Variants in DPP10 observed in about 807,000 individuals in gnomAD.
DPP10 encodes the protein inactive dipeptidyl peptidase 10.
DPP10 carries 33 observed loss-of-function variants against 120.9 expected under a neutral mutation model. That is an observed-to-expected ratio of 0.27 (90% CI 0.21 to 0.37). The LOEUF (loss-of-function observed/expected upper bound fraction) is 0.37. Among genes scored for constraint, DPP10 ranks in the 10% least tolerant of loss-of-function variants. The probability of loss-of-function intolerance (pLI) is 1.00; values close to 1 mark genes in which losing one functional copy is unlikely to be tolerated. For missense variants in DPP10, 816 were observed against 942.8 expected, an observed-to-expected ratio of 0.87 and a Z score of 1.76; for synonymous variants, 337 against 326.1, an observed-to-expected ratio of 1.03 and a Z score of -0.36.
intron 3 of DPP10, among the ~76,000 whole-genome samples, chr2:115,462,532 T>C (rs2074053161): frequency 6.6e-6 from 1 of 152,162 alleles, no homozygotes; most frequent in Non-Finnish European, 1.5e-5. Flanking sequence ...TCCTCCATGA[T>C]ATGAAGCCTA....
chr2:115,087,536 T>TC (rs1293383445), intron 1 of DPP10, among the ~76,000 whole-genome samples: 4 of 130,830 alleles, frequency 3.1e-5, no homozygotes, highest in Non-Finnish European at 6.6e-5. Context: ...TTCTTTTCTT[T>TC]TCTTTTTTTT....
At chr2:114,507,869 T>C (rs73946185) in intron 1 of DPP10, among the ~76,000 whole-genome samples, 6,034 of 152,298 alleles carry the variant, frequency 0.04, 398 homozygotes, top group African/African-American at 0.14. Context: ...TACCACATGG[T>C]AATTGCTCAA....
At chr2:114,726,545 A>G (rs1193016595) in intron 1 of DPP10, among the ~76,000 whole-genome samples, 2 of 152,252 alleles carry the variant, frequency 1.3e-5, no homozygotes, top group Admixed American at 1.3e-4. Flanking sequence ...GAATTTAATC[A>G]TATTCATTTT....
intron 1 of DPP10, among the ~76,000 whole-genome samples, chr2:115,235,664 C>T (rs1385204236): frequency 5.3e-5 from 8 of 152,022 alleles, no homozygotes; most frequent in Admixed American, 1.3e-4. Context: ...CTGATTCAAG[C>T]GATTGTCCTG....
chr2:114,481,403 A>G (rs1051860462), intron 1 of DPP10, among the ~76,000 whole-genome samples: 1 of 152,156 alleles, frequency 6.6e-6, no homozygotes, highest in Non-Finnish European at 1.5e-5. Flanking sequence ...CTAAAATAAA[A>G]ATAGAGACAA....
At chr2:114,585,300 A>T (rs1006839905) in intron 1 of DPP10, among the ~76,000 whole-genome samples, 12 of 152,124 alleles carry the variant, frequency 7.9e-5, no homozygotes, top group Admixed American at 6.5e-4. Flanking sequence ...GACTGCCTGC[A>T]TTCTATGCCA....
At chr2:114,942,080 T>G (rs1240451029) in intron 1 of DPP10, among the ~76,000 whole-genome samples, 1 of 151,572 alleles carries the variant, frequency 6.6e-6, no homozygotes, top group East Asian at 2.0e-4. Context: ...GAGACCATCC[T>G]GGGTAACACG....
intron 13 of DPP10, among the ~76,000 whole-genome samples, chr2:115,773,076 C>T (rs1681671538): frequency 6.6e-6 from 1 of 152,110 alleles, no homozygotes; most frequent in African/African-American, 2.4e-5. Flanking sequence ...ACCTAATCAA[C>T]CCAGTAAAAT....
intron 1 of DPP10, among the ~76,000 whole-genome samples, chr2:114,448,895 C>A (rs1316138481): frequency 6.6e-6 from 1 of 152,108 alleles, no homozygotes; most frequent in Non-Finnish European, 1.5e-5. Flanking sequence ...CTGTTAAGGT[C>A]ATTTAGTAGA....
intron 5 of DPP10, among the ~76,000 whole-genome samples, chr2:115,570,185 T>C (rs1474220248): frequency 6.6e-6 from 1 of 152,218 alleles, no homozygotes; most frequent in Non-Finnish European, 1.5e-5. Flanking sequence ...TTGCTTATTT[T>C]ACACAAGTGA....
At chr2:114,524,492 A>G (rs910299716) in intron 1 of DPP10, among the ~76,000 whole-genome samples, 1 of 152,188 alleles carries the variant, frequency 6.6e-6, no homozygotes, top group Non-Finnish European at 1.5e-5. Flanking sequence ...CACACCCAAA[A>G]TATTAGTCCT....
In DPP10 at chr2:114,743,465, G is replaced by T. The variant is rs539018617; in HGVS notation, c.60+300627G>T. 4.0e-5 allele frequency among the ~76,000 whole-genome samples: 6 copies of T among 151,370 alleles called. No homozygotes were observed. In the South Asian group the frequency reaches 1.0e-3, roughly 26 times the overall value. On this transcript the variant is annotated intron_variant, in intron 1 of 25. Transcript: ENST00000410059. Reference sequence around the variant, plus strand: ...CGTAAAGTTAAGAATATGGATAAAGGCAGGTAAAATGGAATTTTTAAATTT... The same window carrying T: ...CGTAAAGTTAAGAATATGGATAAAGTCAGGTAAAATGGAATTTTTAAATTT...
At chr2:115,586,253 G>A (rs2082283025) in intron 5 of DPP10, among the ~76,000 whole-genome samples, 2 of 152,200 alleles carry the variant, frequency 1.3e-5, no homozygotes, top group East Asian at 3.9e-4. Flanking sequence ...TTTGAACTCA[G>A]GAGGTGGAGG....
At chr2:114,955,815 A>C (rs753709752) in intron 1 of DPP10, among the ~76,000 whole-genome samples, 4 of 152,238 alleles carry the variant, frequency 2.6e-5, no homozygotes, top group Non-Finnish European at 5.9e-5. Flanking sequence ...AATTTGATAC[A>C]TTGTGTTAAT....
intron 1 of DPP10, among the ~76,000 whole-genome samples, chr2:115,035,818 G>A (rs1024957889): frequency 6.6e-6 from 1 of 152,178 alleles, no homozygotes; most frequent in Non-Finnish European, 1.5e-5. Flanking sequence ...TATCTGATTA[G>A]CATCTAATAC....
At chr2:115,627,569 C>T (rs2085465012) in intron 5 of DPP10, among the ~76,000 whole-genome samples, 1 of 152,068 alleles carries the variant, frequency 6.6e-6, no homozygotes, top group Non-Finnish European at 1.5e-5. Context: ...GCAGGATGTG[C>T]AGGTTTGTTA....
chr2:114,454,243 A>G (rs568462326), intron 1 of DPP10, among the ~76,000 whole-genome samples: 1 of 152,274 alleles, frequency 6.6e-6, no homozygotes, highest in East Asian at 1.9e-4. Context: ...TACCACCACT[A>G]CCATCCTTGC....
At chr2:115,328,398 A>G (rs985251907) in intron 2 of DPP10, among the ~76,000 whole-genome samples, 6 of 152,134 alleles carry the variant, frequency 3.9e-5, no homozygotes, top group African/African-American at 1.2e-4. Flanking sequence ...AATTAGAACT[A>G]TGAGTAAATC....
At chr2:115,576,317 A>T (rs1575222484) in intron 5 of DPP10, among the ~76,000 whole-genome samples, 1 of 152,226 alleles carries the variant, frequency 6.6e-6, no homozygotes, top group African/African-American at 2.4e-5. Context: ...TGAGACGGTA[A>T]TTGGTTGAAT....
Sources: gnomAD v4.1 joint callset for allele counts (sites outside exome capture counted in the v4.1 genomes callset) on GRCh38, gnomAD v4.1.1 for gene constraint, MANE v1.5 for transcripts, NCBI Gene and HGNC (gene_info 2026-07-23, HGNC 2026-07-21) for gene names.